Variants in CSGALNACT1 observed in about 807,000 individuals in gnomAD.
CSGALNACT1 encodes the protein beta4GalNAcT-1.
A neutral mutation model predicts 51.0 loss-of-function variants in CSGALNACT1; 52 were observed. The observed-to-expected ratio is 1.02, with a 90% CI of 0.82 to 1.29. The LOEUF is 1.29. Ranked by LOEUF, CSGALNACT1 falls within the 50% of genes most tolerant of loss-of-function variation. The pLI, the probability that CSGALNACT1 is intolerant of heterozygous loss-of-function variation, is 0.00. For missense variants in CSGALNACT1, 935 were observed against 679.2 expected (o/e 1.38, Z -4.19); for synonymous variants, 341 against 254.4 (o/e 1.34, Z -3.24).
chr8:19,493,089 G>C (rs1382230639), intron 4 of CSGALNACT1, among the ~76,000 whole-genome samples: 3 of 150,100 alleles, frequency 2.0e-5, no homozygotes, highest in African/African-American at 7.3e-5. Context: ...AAATATGTTT[G>C]CAACAGATTC....
chr8:19,736,650 G>T (rs2063994699), intron 1 of CSGALNACT1, among the ~76,000 whole-genome samples: 1 of 152,068 alleles, frequency 6.6e-6, no homozygotes, highest in Admixed American at 6.5e-5. Context: ...TCTACATGTT[G>T]TATTGGACAT....
chr8:19,736,929 A>T (rs80138253), intron 1 of CSGALNACT1, among the ~76,000 whole-genome samples: 18 of 84,892 alleles, frequency 2.1e-4, no homozygotes, highest in East Asian at 1.2e-3. Context: ...TGAACAGGAT[A>T]AAAAAAAAAT....
intron 1 of CSGALNACT1, among the ~76,000 whole-genome samples, chr8:19,666,884 A>T (rs2059291680): frequency 3.4e-5 from 4 of 118,364 alleles, no homozygotes; most frequent in African/African-American, 1.5e-4. Context: ...AAAGAAAGAA[A>T]GAGAGAGAGG....
intron 4 of CSGALNACT1, among the ~76,000 whole-genome samples, chr8:19,487,025 G>A (rs2073117668): frequency 6.6e-6 from 1 of 152,182 alleles, no homozygotes; most frequent in South Asian, 2.1e-4. Flanking sequence ...AAATCCTTTA[G>A]CTGTTATTTT....
At chr8:19,567,429 G>A (rs1413582014) in intron 3 of CSGALNACT1, among the ~76,000 whole-genome samples, 1 of 152,214 alleles carries the variant, frequency 6.6e-6, no homozygotes, top group Non-Finnish European at 1.5e-5. Flanking sequence ...CAGTGTGACA[G>A]ACAAAGTGTA....
intron 3 of CSGALNACT1, among the ~76,000 whole-genome samples, chr8:19,523,161 TG>T (rs1587789075): frequency 6.6e-6 from 1 of 152,194 alleles, no homozygotes; most frequent in Non-Finnish European, 1.5e-5. Context: ...AGCAAGCACC[TG>T]TGAAAGAGGG....
At chr8:19,436,395 G>A (rs4921642) in intron 6 of CSGALNACT1, among the ~76,000 whole-genome samples, 69,631 of 151,994 alleles carry the variant, frequency 0.46, 17,466 homozygotes, top group East Asian at 0.83. Context: ...ATCTGGCAGG[G>A]ATCACAGCCT....
At chr8:19,598,596 T>G (rs2049489657) in intron 2 of CSGALNACT1, among the ~76,000 whole-genome samples, 1 of 152,184 alleles carries the variant, frequency 6.6e-6, no homozygotes, top group Non-Finnish European at 1.5e-5. Context: ...GCTACTATTT[T>G]ATGTTATTTG....
intron 4 of CSGALNACT1, among the ~76,000 whole-genome samples, chr8:19,480,868 A>T (rs964342084): frequency 3.3e-5 from 5 of 152,134 alleles, no homozygotes; most frequent in African/African-American, 1.2e-4. Flanking sequence ...TCTTCTTTCT[A>T]AACAGTTACT....
chr8:19,701,672 T>C (rs1319127950), intron 1 of CSGALNACT1, among the ~76,000 whole-genome samples: 2 of 152,196 alleles, frequency 1.3e-5, no homozygotes, highest in Non-Finnish European at 2.9e-5. Flanking sequence ...ATGATGACGA[T>C]GATCACAAGG....
intron 1 of CSGALNACT1, among the ~76,000 whole-genome samples, chr8:19,674,446 G>A: frequency 6.6e-6 from 1 of 152,138 alleles, no homozygotes; most frequent in East Asian, 1.9e-4. Context: ...GACGGAAGAA[G>A]GAAAAAGACC....
At chr8:19,735,348 T>C (rs2063913374) in intron 1 of CSGALNACT1, among the ~76,000 whole-genome samples, 1 of 152,176 alleles carries the variant, frequency 6.6e-6, no homozygotes, top group Non-Finnish European at 1.5e-5. Context: ...TACTCCCAGA[T>C]GCCTCCAAGA....
intron 5 of CSGALNACT1, among the ~76,000 whole-genome samples, chr8:19,450,172 GA>G (rs1206714051): frequency 2.1e-5 from 1 of 47,038 alleles, no homozygotes; most frequent in African/African-American, 8.2e-5. Context: ...GGAGAAGGGG[GA>G]GAGTGAGGAA....
exon 4 of CSGALNACT1, chr8:19,505,308 T>C: frequency 6.2e-7 from 1 of 1,614,190 alleles, no homozygotes; most frequent in South Asian, 1.1e-5. Context: ...CTCATCCCGC[T>C]TGTCCTTCCT....
At chr8:19,583,249 A>C (rs2045958966) in intron 3 of CSGALNACT1, among the ~76,000 whole-genome samples, 1 of 152,198 alleles carries the variant, frequency 6.6e-6, no homozygotes. Context: ...TGCTACAACA[A>C]TGCTAGGTTT....
At chr8:19,428,467 C>T (rs1364140402) in intron 6 of CSGALNACT1, among the ~76,000 whole-genome samples, 1 of 152,120 alleles carries the variant, frequency 6.6e-6, no homozygotes, top group African/African-American at 2.4e-5. Flanking sequence ...ACCATGAGAA[C>T]TGTGTGGGGG....
chr8:19,608,055 G>A (rs968657778), intron 1 of CSGALNACT1, among the ~76,000 whole-genome samples: 5 of 152,218 alleles, frequency 3.3e-5, no homozygotes, highest in Non-Finnish European at 7.3e-5. Flanking sequence ...ATGAAGAGTA[G>A]TTAAACAATC....
At chr8:19,661,570 G>A (rs2058746506) in intron 1 of CSGALNACT1, among the ~76,000 whole-genome samples, 1 of 152,194 alleles carries the variant, frequency 6.6e-6, no homozygotes, top group Non-Finnish European at 1.5e-5. Flanking sequence ...CCCGCTATGT[G>A]GAGTTTAAGT....
chr8:19,529,075 T>G (rs2082253944), intron 3 of CSGALNACT1, among the ~76,000 whole-genome samples: 2 of 152,216 alleles, frequency 1.3e-5, no homozygotes, highest in South Asian at 4.1e-4. Flanking sequence ...AAGGATTCAG[T>G]GGACAGCAAC....
Sources: allele counts gnomAD v4.1 joint callset (sites outside exome capture counted in the v4.1 genomes callset), GRCh38; gene constraint gnomAD v4.1.1; transcripts MANE v1.5; gene names NCBI Gene and HGNC (gene_info 2026-07-23, HGNC 2026-07-21).